The following KIAA1328 variants were observed in gnomAD, a reference collection of about 807,000 sequenced individuals.
KIAA1328 encodes protein hinderin.
Under a neutral mutation model 68.1 loss-of-function variants are expected in KIAA1328, and 52 were observed. The ratio of observed to expected loss-of-function variants is 0.76; its 90% CI spans 0.61 to 0.96. KIAA1328 has a LOEUF of 0.96. Ranked by LOEUF, KIAA1328 falls within the 40% of genes least tolerant of loss-of-function variation. The pLI, the probability that KIAA1328 is intolerant of heterozygous loss-of-function variation, is 0.00. For missense variants in KIAA1328, 641 were observed against 677.6 expected (o/e 0.95, Z 0.60); for synonymous variants, 232 against 239.4 (o/e 0.97, Z 0.28).
intron 9 of KIAA1328, among the ~76,000 whole-genome samples, chr18:37,180,850 C>A (rs1599527705): frequency 6.6e-6 from 1 of 152,052 alleles, no homozygotes; most frequent in African/African-American, 2.4e-5. Flanking sequence ...TATAATAGAG[C>A]ATATGAGTGA....
intron 3 of KIAA1328, among the ~76,000 whole-genome samples, chr18:36,836,420 A>T (rs1402893309): frequency 6.6e-6 from 1 of 152,092 alleles, no homozygotes; most frequent in Non-Finnish European, 1.5e-5. Context: ...TTCTTTAGAG[A>T]TTATAGTATA....
intron 6 of KIAA1328, among the ~76,000 whole-genome samples, chr18:37,027,165 C>A (rs376223568): frequency 1.3e-5 from 2 of 151,990 alleles, no homozygotes; most frequent in Non-Finnish European, 2.9e-5. Context: ...TTACAAGGGA[C>A]GTGAAGGACC....
intron 9 of KIAA1328, among the ~76,000 whole-genome samples, chr18:37,207,599 A>C (rs1260028045): frequency 1.3e-5 from 2 of 152,206 alleles, no homozygotes; most frequent in Non-Finnish European, 2.9e-5. Context: ...AGGTGGCAGC[A>C]GAATGCTCAG....
chr18:36,980,250 C>T (rs1252302697), intron 6 of KIAA1328, among the ~76,000 whole-genome samples: 1 of 152,176 alleles, frequency 6.6e-6, no homozygotes, highest in Non-Finnish European at 1.5e-5. Flanking sequence ...CAGCTGGTCT[C>T]TCATGGCCAA....
At chr18:36,919,601 T>C (rs556378598) in intron 5 of KIAA1328, among the ~76,000 whole-genome samples, 1 of 152,356 alleles carries the variant, frequency 6.6e-6, no homozygotes, top group South Asian at 2.1e-4. Flanking sequence ...ATGGGATTGC[T>C]GGGTCGAGTG....
chr18:36,970,030 C>G (rs1227734726), intron 6 of KIAA1328, among the ~76,000 whole-genome samples: 1 of 152,136 alleles, frequency 6.6e-6, no homozygotes, highest in Non-Finnish European at 1.5e-5. Flanking sequence ...GCCAATATCC[C>G]CAATGAACAT....
At chr18:36,943,776 A>C (rs1443510597) in intron 5 of KIAA1328, among the ~76,000 whole-genome samples, 1 of 152,164 alleles carries the variant, frequency 6.6e-6, no homozygotes, top group African/African-American at 2.4e-5. Context: ...CTTTTATTAT[A>C]TATAGGTTAT....
At chr18:36,885,802 C>G (rs1426088240) in intron 5 of KIAA1328, 130 bp downstream of exon 5, 7 of 578,152 alleles carry the variant, frequency 1.2e-5, no homozygotes, top group Non-Finnish European at 2.1e-5. Flanking sequence ...ACCGCAACCT[C>G]CACCTCCCGG....
At chr18:37,038,100 C>T (rs1261688310) in intron 6 of KIAA1328, among the ~76,000 whole-genome samples, 1 of 134,126 alleles carries the variant, frequency 7.5e-6, no homozygotes, top group African/African-American at 2.8e-5. Context: ...GACTCTGTCT[C>T]AAAAAAAAAA....
intron 5 of KIAA1328, among the ~76,000 whole-genome samples, chr18:36,934,153 C>T (rs957164409): frequency 1.3e-5 from 2 of 152,082 alleles, no homozygotes; most frequent in African/African-American, 4.8e-5. Context: ...GCTTAGGAGC[C>T]ATTTAGGGCT....
intron 5 of KIAA1328, among the ~76,000 whole-genome samples, chr18:36,910,160 C>T (rs1366650183): frequency 1.3e-5 from 2 of 152,106 alleles, no homozygotes; most frequent in East Asian, 1.9e-4. Context: ...CTTTTGTTGC[C>T]GTTGCTTTTG....
intron 4 of KIAA1328, among the ~76,000 whole-genome samples, chr18:36,878,773 A>G (rs988293977): frequency 6.6e-6 from 1 of 151,934 alleles, no homozygotes; most frequent in South Asian, 2.1e-4. Context: ...TTGATCTTCA[A>G]TTTCTGATAG....
At chr18:37,221,400 T>A (rs555806682) in intron 9 of KIAA1328, among the ~76,000 whole-genome samples, 1 of 152,362 alleles carries the variant, frequency 6.6e-6, no homozygotes, top group South Asian at 2.1e-4. Flanking sequence ...ACTGAATAAC[T>A]TCCCCAATAT....
At chr18:37,059,860 T>TA (rs1232366255) in intron 6 of KIAA1328, among the ~76,000 whole-genome samples, 1 of 152,058 alleles carries the variant, frequency 6.6e-6, no homozygotes, top group Admixed American at 6.5e-5. Flanking sequence ...TATACAGCCA[T>TA]AAAAAAGGAT....
chr18:36,853,632 T>G (rs571955798), intron 4 of KIAA1328, among the ~76,000 whole-genome samples: 1 of 152,204 alleles, frequency 6.6e-6, no homozygotes, highest in African/African-American at 2.4e-5. Context: ...TAGTTACATT[T>G]TTATACACTG....
chr18:37,093,339 A>G (rs1302251153), intron 7 of KIAA1328, among the ~76,000 whole-genome samples: 1 of 152,194 alleles, frequency 6.6e-6, no homozygotes, highest in Non-Finnish European at 1.5e-5. Context: ...GGAACTCAAA[A>G]TAATGATACT....
chr18:37,115,998 A>G (rs1409758727), intron 7 of KIAA1328, among the ~76,000 whole-genome samples: 2 of 152,224 alleles, frequency 1.3e-5, no homozygotes, highest in Admixed American at 6.5e-5. Context: ...CCACTGCTCA[A>G]TGAAATAAAA....
intron 9 of KIAA1328, among the ~76,000 whole-genome samples, chr18:37,209,111 G>A (rs888044603): frequency 1.3e-5 from 2 of 152,138 alleles, no homozygotes; most frequent in Non-Finnish European, 2.9e-5. Context: ...TGGAAAAATG[G>A]TCCCAATATA....
intron 7 of KIAA1328, among the ~76,000 whole-genome samples, chr18:37,090,511 A>G (rs1359430243): frequency 1.3e-5 from 2 of 152,198 alleles, no homozygotes; most frequent in Non-Finnish European, 2.9e-5. Context: ...AGACAACATC[A>G]TTTCCATAGC....
Sources: allele counts gnomAD v4.1 joint callset (sites outside exome capture counted in the v4.1 genomes callset), GRCh38; gene constraint gnomAD v4.1.1; transcripts MANE v1.5; gene names NCBI Gene and HGNC (gene_info 2026-07-23, HGNC 2026-07-21).